Variants in ARHGAP10 observed in about 807,000 individuals in gnomAD.
ARHGAP10 encodes Rho GTPase activating protein 10.
Under a neutral mutation model 108.6 loss-of-function variants are expected in ARHGAP10, and 87 were observed. The ratio of observed to expected loss-of-function variants is 0.80; its 90% confidence interval spans 0.67 to 0.96. The LOEUF (loss-of-function observed/expected upper bound fraction) is 0.96. ARHGAP10 is among the 40% of genes least tolerant of loss of function. The pLI is 0.00. For missense variants in ARHGAP10, 939 were observed against 954.5 expected (o/e 0.98, Z 0.21); for synonymous variants, 347 against 341.1 (o/e 1.02, Z -0.19).
At chr4:148,026,091 TG>T (rs1741754585) in intron 19 of ARHGAP10, among the ~76,000 whole-genome samples, 1 of 152,234 alleles carries the variant, frequency 6.6e-6, no homozygotes, top group African/African-American at 2.4e-5. Flanking sequence ...GGAACTGGAT[TG>T]GATGACTGGA....
intron 16 of ARHGAP10, among the ~76,000 whole-genome samples, chr4:147,957,877 A>G (rs1023221785): frequency 6.6e-6 from 1 of 152,202 alleles, no homozygotes; most frequent in South Asian, 2.1e-4. Flanking sequence ...GTTCTGAAAA[A>G]AAGATCAACT....
chr4:147,949,716 G>A (rs905530256), intron 15 of ARHGAP10, among the ~76,000 whole-genome samples: 3 of 152,178 alleles, frequency 2.0e-5, no homozygotes, highest in African/African-American at 7.2e-5. Flanking sequence ...CTAGGAGATA[G>A]CTTTAAATCC....
chr4:147,887,307 C>G (rs1386032070), intron 10 of ARHGAP10, among the ~76,000 whole-genome samples: 1 of 152,108 alleles, frequency 6.6e-6, no homozygotes, highest in African/African-American at 2.4e-5. Flanking sequence ...CTCCTCTGTT[C>G]AGGTGTTTCC....
chr4:147,906,539 A>T (rs966030042), intron 10 of ARHGAP10, 99 bp from the exon 11 acceptor site: 2 of 1,099,622 alleles, frequency 1.8e-6, no homozygotes, highest in African/African-American at 3.6e-5. Flanking sequence ...TTTACCACAG[A>T]TAAAAGTAAA....
At chr4:147,993,516 A>G (rs757119204) in intron 18 of ARHGAP10, among the ~76,000 whole-genome samples, 11 of 152,248 alleles carry the variant, frequency 7.2e-5, no homozygotes, top group South Asian at 4.1e-4. Context: ...GGTACAAAAG[A>G]TTAAAAAAGC....
chr4:147,904,638 A>G (rs1013968930), intron 10 of ARHGAP10, among the ~76,000 whole-genome samples: 5 of 152,166 alleles, frequency 3.3e-5, no homozygotes, highest in African/African-American at 1.2e-4. Context: ...TCGTTGTTGG[A>G]CATTTGGGTT....
chr4:147,895,685 CA>C (rs111297537), intron 10 of ARHGAP10, among the ~76,000 whole-genome samples: 2,430 of 128,662 alleles, frequency 0.019, 29 homozygotes, highest in African/African-American at 0.041. Flanking sequence ...GACCCTGTCT[CA>C]AAAAAAAAAA....
At chr4:148,045,403 T>G (rs114684358) in intron 19 of ARHGAP10, among the ~76,000 whole-genome samples, 5 of 152,244 alleles carry the variant, frequency 3.3e-5, no homozygotes, top group African/African-American at 7.2e-5. Flanking sequence ...GGAGCTAGCT[T>G]AATCAGAGCC....
chr4:147,849,150 G>T (rs1361259494), intron 4 of ARHGAP10, among the ~76,000 whole-genome samples: 1 of 152,110 alleles, frequency 6.6e-6, no homozygotes, highest in Non-Finnish European at 1.5e-5. Flanking sequence ...AGTAGAGAAA[G>T]GTGGTTGTCT....
chr4:147,839,773 C>T (rs1450115939), intron 3 of ARHGAP10, among the ~76,000 whole-genome samples: 2 of 152,154 alleles, frequency 1.3e-5, no homozygotes, highest in East Asian at 1.9e-4. Context: ...TTAGCTCTAG[C>T]GTGGACTGTG....
At chr4:147,814,723 A>G (rs562225615) in intron 1 of ARHGAP10, among the ~76,000 whole-genome samples, 1 of 152,328 alleles carries the variant, frequency 6.6e-6, no homozygotes, top group South Asian at 2.1e-4. Context: ...AATGCTTTGA[A>G]ATAGTGTTCT....
intron 1 of ARHGAP10, among the ~76,000 whole-genome samples, chr4:147,783,093 A>G (rs184537889): frequency 0.012 from 1,711 of 142,508 alleles, 18 homozygotes; most frequent in Middle Eastern, 0.019. Flanking sequence ...TAAATTATAT[A>G]TTATGTAAAT....
At chr4:147,993,826 T>TA (rs1485951386) in intron 18 of ARHGAP10, among the ~76,000 whole-genome samples, 2 of 152,234 alleles carry the variant, frequency 1.3e-5, no homozygotes, top group African/African-American at 4.8e-5. Context: ...CTCTTTTTCC[T>TA]AAGCATTCTA....
Position 148,063,329 on chromosome 4 carries a change from ATGG to A in ARHGAP10, c.2180+33_2180+35del, listed in dbSNP as rs369033877. ...CGTGGTTTGGAGTGGAATGTGGAAT[ATGG>A]TGGCAGCACACACAGGGGGCTTGAT... On this transcript the variant is annotated intron_variant, in intron 21 of 22. Transcript: ENST00000336498. 3.2e-3 allele frequency: 5,190 copies of A among 1,613,670 alleles called. 62 individuals are homozygous for A. The highest frequency in any genetic ancestry group is 0.032 in the Admixed American group (1,920 of 59,980).
intron 1 of ARHGAP10, among the ~76,000 whole-genome samples, chr4:147,799,907 T>G (rs747650495): frequency 6.6e-5 from 10 of 152,160 alleles, no homozygotes; most frequent in Non-Finnish European, 1.2e-4. Context: ...GCCTATCTTT[T>G]TTTTGGGGGG....
At chr4:148,064,361 TTC>T in intron 21 of ARHGAP10, 53 bp from the exon 22 acceptor site, 1 of 1,541,910 alleles carries the variant, frequency 6.5e-7, no homozygotes, top group Non-Finnish European at 8.9e-7. Context: ...GGGGTGAAGT[TTC>T]TCTCTGTTTT....
At chr4:148,008,405 C>T (rs915584057) in intron 18 of ARHGAP10, among the ~76,000 whole-genome samples, 17 of 151,696 alleles carry the variant, frequency 1.1e-4, no homozygotes, top group Admixed American at 1.1e-3. Context: ...TGGATCTCAA[C>T]CTCAAGCAAT....
chr4:148,066,512 G>T lies in ARHGAP10; in HGVS notation c.2272+2005G>T, dbSNP rs545661161. Among the ~76,000 whole-genome samples, 5 of 152,324 alleles carry T rather than the reference G, an allele frequency of 3.3e-5. No homozygotes were observed. In the South Asian group the frequency reaches 8.3e-4, roughly 25 times the overall value. On this transcript the variant is annotated intron_variant, in intron 22 of 22. Coordinates refer to ENST00000336498, the MANE Select transcript of ARHGAP10 (RefSeq NM_024605.4). ...TTACGTTCTCCAGGTCTAAAGTCCC[G>T]AGATGATTTGGAGTCTTCCTAAAAA...
At position 147,906,410 on chromosome 4, in the gene ARHGAP10, A is replaced by G. The variant is rs150703898; in HGVS notation, c.1035-228A>G. Among the ~76,000 whole-genome samples, 290 of 152,338 alleles carry G rather than the reference A, an allele frequency of 1.9e-3. 1 individual carries two copies. Among genetic ancestry groups the G allele is most frequent in the Middle Eastern group, 6.8e-3 (2 of 294 alleles). ...AGGTACAGAGTTTCAGTTTTGCAAG[A>G]TGAAAAAAGTTCTGTTAATGGATGG... On this transcript the variant is annotated intron_variant, in intron 10 of 22. Transcript: ENST00000336498.
Sources: gnomAD v4.1 joint callset for allele counts (sites outside exome capture counted in the v4.1 genomes callset) on GRCh38, gnomAD v4.1.1 for gene constraint, MANE v1.5 for transcripts, NCBI Gene and HGNC (gene_info 2026-07-23, HGNC 2026-07-21) for gene names.